KCTD3: variants seen among roughly 807,000 people sequenced by gnomAD.
KCTD3 encodes the protein potassium channel tetramerization domain containing 3.
In KCTD3, 41 loss-of-function variants were observed where a neutral mutation model predicts 85.8. The observed-to-expected ratio is 0.48, with a 90% confidence interval of 0.37 to 0.62. The LOEUF (loss-of-function observed/expected upper bound fraction) is 0.62, where lower values mean the gene tolerates loss of function less well. Ranked by LOEUF, KCTD3 falls within the 20% of genes least tolerant of loss-of-function variation. KCTD3 has a pLI of 0.00. For missense variants in KCTD3, 724 were observed against 989.9 expected (o/e 0.73, Z 3.60); for synonymous variants, 338 against 345.4 (o/e 0.98, Z 0.24).
chr1:215,579,964 T>A lies in KCTD3; in HGVS notation c.591T>A (p.Ile197=), dbSNP rs770784409. 1.9e-6 allele frequency: 3 copies of A among 1,612,820 alleles called. No individual in the cohort carries two copies. The East Asian group carries it at 6.7e-5, about 36-fold the overall frequency. ...TAGTAGCTGGCCATCACAACTGGAT[T>A]GTAGCTGCATATGCCCATTTTGCTG... ...VLIVAGHHNW[I]VAAYAHFAVC... Residue 197 remains isoleucine, a synonymous_variant, in exon 8 of 18, where the codon ATT becomes ATA. Transcript: ENST00000259154.
chr1:215,575,580 A>G (rs1483052336), intron 3 of KCTD3, among the ~76,000 whole-genome samples: 1 of 152,214 alleles, frequency 6.6e-6, no homozygotes, highest in African/African-American at 2.4e-5. Context: ...TGTTTCAGAT[A>G]AAAATGTTTC....
At position 215,618,443 on chromosome 1, in the gene KCTD3, T is replaced by C. The variant is rs548067510; in HGVS notation, c.1563-443T>C. 2 of 164,680 alleles carry C rather than the reference T, an allele frequency of 1.2e-5. 1 individual carries two copies. The highest frequency in any genetic ancestry group is 3.6e-4 in the East Asian group (2 of 5,500). The allele number at this position is 164,680 out of a possible 1,614,324, so 10.2% of individuals were successfully genotyped here. ...TTGCGTTTGCCTATACTGATTTTTC[T>C]TTTTTAATAAACTCCCTCAACTCTT... is the stretch of plus-strand genomic sequence containing the variant. On this transcript the variant is annotated intron_variant, in intron 15 of 17. Coordinates refer to ENST00000259154, the MANE Select transcript of KCTD3 (RefSeq NM_016121.5).
rs565660775 is a variant in KCTD3, at chr1:215,616,510, C to G, written c.1563-2376C>G. On this transcript the variant is annotated intron_variant, in intron 15 of 17. Coordinates refer to ENST00000259154, the MANE Select transcript of KCTD3 (RefSeq NM_016121.5). ...GTGCGGTGGCTCACACCTGTAATCCCAGCACTTTGGGAGGCTGAGGTGGGC... is the reference window on the plus strand; with the variant it reads ...GTGCGGTGGCTCACACCTGTAATCCGAGCACTTTGGGAGGCTGAGGTGGGC... Among the ~76,000 whole-genome samples, 107 of 152,212 alleles carry G rather than the reference C, an allele frequency of 7.0e-4. No homozygotes were observed. In the East Asian group the frequency reaches 0.019, roughly 28 times the overall value.
chr1:215,597,881 G>C (rs2102585475), intron 10 of KCTD3, among the ~76,000 whole-genome samples: 1 of 152,108 alleles, frequency 6.6e-6, no homozygotes, highest in South Asian at 2.1e-4. Flanking sequence ...CATTTTGTTG[G>C]GGAGAGAGGG....
At chr1:215,592,433 C>A (rs1278269986) in intron 9 of KCTD3, among the ~76,000 whole-genome samples, 1 of 151,394 alleles carries the variant, frequency 6.6e-6, no homozygotes, top group African/African-American at 2.4e-5. Context: ...CTATCGTGAT[C>A]GACAGCTTAA....
At chr1:215,615,069 A>G (rs1276731162) in intron 15 of KCTD3, among the ~76,000 whole-genome samples, 2 of 152,198 alleles carry the variant, frequency 1.3e-5, no homozygotes, top group Non-Finnish European at 2.9e-5. Context: ...ACACTGTGCA[A>G]TTTCTGCATA....
intron 1 of KCTD3, among the ~76,000 whole-genome samples, chr1:215,571,382 A>C (rs1399596944): frequency 1.3e-5 from 2 of 152,158 alleles, no homozygotes; most frequent in African/African-American, 4.8e-5. Context: ...GTGTTTTCTT[A>C]AAGTGACTCA....
chr1:215,609,873 A>G (rs537310934), intron 14 of KCTD3, among the ~76,000 whole-genome samples: 1 of 152,078 alleles, frequency 6.6e-6, no homozygotes, highest in South Asian at 2.1e-4. Context: ...TGGTATGAAG[A>G]TATACCTGGT....
intron 9 of KCTD3, among the ~76,000 whole-genome samples, chr1:215,590,990 T>C (rs527429626): frequency 1.3e-5 from 2 of 152,250 alleles, no homozygotes; most frequent in East Asian, 3.9e-4. Flanking sequence ...TTCAGTACTT[T>C]GTTAGGAGTA....
chr1:215,620,451 G>C lies in KCTD3; in HGVS notation c.2281G>C (p.Gly761Arg), dbSNP rs1655626858. Residue 761 changes from glycine to arginine, a missense_variant, in exon 18 of 18, where the codon GGG becomes CGG. Physicochemically the swap from Gly to Arg is moderately radical, Grantham distance 125. Transcript: ENST00000259154. ...GTTTAGGAAGAAAGGAGGATTTGAA[G>C]GGGGAGGATTCCTTGGAAGAAAGAA... ...IEFRKKGGFE[G>R]GGFLGRKKVP... is the part of the protein sequence containing the mutation. The C allele has an allele frequency of 6.2e-7, 1 of 1,613,636 alleles. No homozygotes were observed. The highest frequency in any genetic ancestry group is 2.2e-5 in the East Asian group (1 of 44,888).
chr1:215,571,515 A>T (rs1659366480), intron 1 of KCTD3, among the ~76,000 whole-genome samples: 1 of 152,206 alleles, frequency 6.6e-6, no homozygotes, highest in Non-Finnish European at 1.5e-5. Flanking sequence ...TGTAGTTTAC[A>T]TTTAAATGTC....
At chr1:215,570,705 G>T (rs1228579368) in intron 1 of KCTD3, among the ~76,000 whole-genome samples, 4 of 152,188 alleles carry the variant, frequency 2.6e-5, no homozygotes, top group African/African-American at 9.6e-5. Context: ...TACTTACAGT[G>T]CAGAATAAAT....
At chr1:215,593,964 A>G (rs1312614454) in intron 9 of KCTD3, among the ~76,000 whole-genome samples, 2 of 150,572 alleles carry the variant, frequency 1.3e-5, no homozygotes, top group Non-Finnish European at 2.9e-5. Context: ...GGTTTAAGCA[A>G]TTCTCCTGCC....
At chr1:215,618,044 G>A (rs1185174864) in intron 15 of KCTD3, 1 of 447,942 alleles carries the variant, frequency 2.2e-6, no homozygotes, top group Non-Finnish European at 4.7e-6. Flanking sequence ...AGATTCCCAT[G>A]TACATGTAAA....
At position 215,614,221 on chromosome 1, in the gene KCTD3, C is replaced by T. The variant is rs541658372; in HGVS notation, c.1562+2300C>T. 7.9e-5 allele frequency among the ~76,000 whole-genome samples: 12 copies of T among 151,574 alleles called. 1 individual carries two copies. In the East Asian group the frequency reaches 2.1e-3, roughly 27 times the overall value. The stretch of plus-strand genomic sequence containing the variant: ...TAATTTTTTGCATCTTTAGTAGAGA[C>T]GGGGTTTCACTGTGTTAGCCAGGAT... On this transcript the variant is annotated intron_variant, in intron 15 of 17. Transcript: ENST00000259154.
At chr1:215,618,310 C>G (rs1465005757) in intron 15 of KCTD3, 1 of 185,728 alleles carries the variant, frequency 5.4e-6, no homozygotes, top group Non-Finnish European at 1.2e-5. Context: ...ATCTTTTTCC[C>G]TCCTTTTTGT....
chr1:215,619,566 T>G (rs1424459405), intron 17 of KCTD3, among the ~76,000 whole-genome samples: 1 of 152,190 alleles, frequency 6.6e-6, no homozygotes, highest in Non-Finnish European at 1.5e-5. Flanking sequence ...CAAAGGAAAT[T>G]AGGAAAATTA....
Position 215,620,702 on chromosome 1 carries a change from T to A in KCTD3, c.*84T>A. On this transcript the variant is annotated 3_prime_UTR_variant, in exon 18 of 18. Transcript: ENST00000259154. ...AATTTCAGTACATTAGTTTTTACAC[T>A]AAAACTTTACAAGATAAAATTGGAC... 2 of 923,016 alleles carry A rather than the reference T, an allele frequency of 2.2e-6. No homozygotes were observed. Among genetic ancestry groups the A allele is most frequent in the South Asian group, 2.0e-5 (1 of 49,562 alleles). 57.2% of individuals were successfully genotyped at this position (923,016 alleles called of 1,614,324 possible). A position where few individuals can be genotyped will look rare whatever the true frequency, so the allele number is the denominator to read the frequency against.
intron 1 of KCTD3, among the ~76,000 whole-genome samples, chr1:215,569,490 TTATTTACTA>T (rs1558225277): frequency 6.6e-6 from 1 of 152,186 alleles, no homozygotes; most frequent in Non-Finnish European, 1.5e-5. Flanking sequence ...AGCAGTATTG[TTATTTACTA>T]TGTGGATGGC....
Sources: allele counts gnomAD v4.1 joint callset (sites outside exome capture counted in the v4.1 genomes callset), GRCh38; gene constraint gnomAD v4.1.1; transcripts MANE v1.5; gene names NCBI Gene and HGNC (gene_info 2026-07-23, HGNC 2026-07-21).